AMD1: variants seen among roughly 807,000 people sequenced by gnomAD.
AMD1 encodes S-adenosylmethionine decarboxylase proenzyme.
Under a neutral mutation model 40.2 loss-of-function variants are expected in AMD1, and 11 were observed. The observed-to-expected ratio is 0.27, with a 90% CI of 0.17 to 0.45. The LOEUF (loss-of-function observed/expected upper bound fraction) is 0.45, where lower values mean the gene tolerates loss of function less well. AMD1 is among the 20% of genes least tolerant of loss of function. AMD1 has a pLI of 1.00. For synonymous variants in AMD1, 121 were observed against 130.8 expected, an observed-to-expected ratio of 0.93 and a Z score of 0.51; for missense variants, 257 against 410.2, an observed-to-expected ratio of 0.63 and a Z score of 3.23.
At chr6:110,892,122 G>T (rs1020083797) in intron 4 of AMD1, 39 bp from the exon 5 acceptor site, 21 of 1,604,906 alleles carry the variant, frequency 1.3e-5, no homozygotes, top group Admixed American at 1.7e-5. Context: ...CTATTAAATG[G>T]ATGTGTTATA....
chr6:110,887,965 C>T (rs1583219861), intron 2 of AMD1, among the ~76,000 whole-genome samples: 3 of 152,190 alleles, frequency 2.0e-5, no homozygotes, highest in East Asian at 1.9e-4. Context: ...GGATTATACA[C>T]GTGAGCCACC....
chr6:110,888,039 C>T (rs757806832), intron 2 of AMD1, among the ~76,000 whole-genome samples: 2 of 151,896 alleles, frequency 1.3e-5, no homozygotes, highest in African/African-American at 2.4e-5. Flanking sequence ...TTTAGTGTAA[C>T]GTGGATGTTT....
At chr6:110,860,610 C>T in the AMD1 span, among the ~76,000 whole-genome samples, 1 of 150,556 alleles carries the variant, frequency 6.6e-6, no homozygotes, top group African/African-American at 2.4e-5. Context: ...ACCAACCTGC[C>T]CAACATGGTG....
At chr6:110,842,266 A>G in the AMD1 span, among the ~76,000 whole-genome samples, 1 of 152,224 alleles carries the variant, frequency 6.6e-6, no homozygotes. Context: ...GTTGTATAGC[A>G]AGCAGGCTTG....
the AMD1 span, among the ~76,000 whole-genome samples, chr6:110,867,767 TG>T: frequency 1.3e-5 from 2 of 152,242 alleles, no homozygotes; most frequent in African/African-American, 4.8e-5. Context: ...AGAGGCTGTC[TG>T]GTTAAATATT....
the AMD1 span, among the ~76,000 whole-genome samples, chr6:110,847,300 C>A: frequency 6.6e-6 from 1 of 151,844 alleles, no homozygotes; most frequent in African/African-American, 2.4e-5. Flanking sequence ...CCGAGGCAGG[C>A]GGATCACAAG....
At chr6:110,875,941 G>A (rs892251292) in intron 1 of AMD1, among the ~76,000 whole-genome samples, 9 of 152,278 alleles carry the variant, frequency 5.9e-5, no homozygotes, top group African/African-American at 1.9e-4. Context: ...CACGGCCGCT[G>A]AGGCCGCTGG....
At chr6:110,885,733 T>C (rs1785645347) in intron 1 of AMD1, among the ~76,000 whole-genome samples, 2 of 152,204 alleles carry the variant, frequency 1.3e-5, no homozygotes, top group South Asian at 4.1e-4. Flanking sequence ...AGTCATGTTA[T>C]AGTCTAATAC....
Position 110,892,441 on chromosome 6 carries a change from C to T in AMD1, c.613C>T (p.Arg205Cys), listed in dbSNP as rs1319254578. 2 of 1,611,924 alleles carry T rather than the reference C, an allele frequency of 1.2e-6. No individual in the cohort carries two copies. Among genetic ancestry groups the T allele is most frequent in the Non-Finnish European group, 1.7e-6 (2 of 1,179,854 alleles). Reference protein sequence around the residue: ...KDGVTAKDVTRESGIRDLIPG... With the variant: ...KDGVTAKDVTCESGIRDLIPG... ...TGGTGTTACTGCAAAGGATGTCACTCGTGTAAGCATTTTTAGTAATAATTG... is the reference window on the plus strand; with the variant it reads ...TGGTGTTACTGCAAAGGATGTCACTTGTGTAAGCATTTTTAGTAATAATTG... Residue 205 changes from arginine (R) to cysteine (C), a missense_variant and splice_region_variant, in exon 6 of 9, where the codon CGT (arginine) becomes TGT (cysteine). Physicochemically the swap from Arg to Cys is radical, Grantham distance 180. Coordinates refer to ENST00000368885, the MANE Select transcript of AMD1 (RefSeq NM_001634.6).
At chr6:110,868,026 C>T in the AMD1 span, among the ~76,000 whole-genome samples, 1 of 152,212 alleles carries the variant, frequency 6.6e-6, no homozygotes, top group African/African-American at 2.4e-5. Context: ...GGTCTGGCTA[C>T]GTTGACCAGG....
chr6:110,861,357 CAA>C, the AMD1 span, among the ~76,000 whole-genome samples: 6 of 97,214 alleles, frequency 6.2e-5, no homozygotes, highest in Admixed American at 2.3e-4. Flanking sequence ...GACTCCGTCT[CAA>C]AAAAAAAAAA....
intron 3 of AMD1, 118 bp downstream of exon 3, chr6:110,889,101 G>C: frequency 2.5e-6 from 3 of 1,219,432 alleles, no homozygotes; most frequent in Non-Finnish European, 3.4e-6. Context: ...ATGCAAACAC[G>C]TGGTAAGGTG....
chr6:110,828,212 C>T, the AMD1 span, among the ~76,000 whole-genome samples: 1 of 152,154 alleles, frequency 6.6e-6, no homozygotes, highest in African/African-American at 2.4e-5. Context: ...GGGCAGATCA[C>T]TTGAGGCCAG....
chr6:110,860,517 T>C, the AMD1 span, among the ~76,000 whole-genome samples: 21,778 of 151,640 alleles, frequency 0.14, 1,705 homozygotes, highest in East Asian at 0.31. Flanking sequence ...AACACACACA[T>C]ACTGGGCAAG....
chr6:110,818,038 A>T, the AMD1 span, among the ~76,000 whole-genome samples: 1 of 152,246 alleles, frequency 6.6e-6, no homozygotes, highest in Non-Finnish European at 1.5e-5. Context: ...ACAGATTAAG[A>T]CAGGAAAAAG....
the AMD1 span, among the ~76,000 whole-genome samples, chr6:110,868,782 G>T: frequency 5.9e-5 from 9 of 152,176 alleles, 2 homozygotes; most frequent in South Asian, 1.2e-3. Flanking sequence ...AAGGCCAGGC[G>T]CGGTGGCTCA....
At chr6:110,855,957 G>A in the AMD1 span, among the ~76,000 whole-genome samples, 32,983 of 151,994 alleles carry the variant, frequency 0.22, 4,345 homozygotes, top group East Asian at 0.66. Context: ...GCACATGCCT[G>A]TAGCCCCAGC....
the AMD1 span, among the ~76,000 whole-genome samples, chr6:110,847,063 G>GGTGTGT: frequency 4.2e-5 from 6 of 143,282 alleles, no homozygotes; most frequent in Admixed American, 6.9e-5. Context: ...GTGTGTGTGT[G>GGTGTGT]GTGTGTGTGT....
intron 1 of AMD1, among the ~76,000 whole-genome samples, chr6:110,884,146 A>AT (rs1158206511): frequency 6.6e-6 from 1 of 152,234 alleles, no homozygotes; most frequent in Non-Finnish European, 1.5e-5. Context: ...GCAGATGCAA[A>AT]TAACATAGCA....
Sources: gnomAD v4.1 joint callset for allele counts (sites outside exome capture counted in the v4.1 genomes callset) on GRCh38, gnomAD v4.1.1 for gene constraint, MANE v1.5 for transcripts, NCBI Gene and HGNC (gene_info 2026-07-23, HGNC 2026-07-21) for gene names.